SLC2A9: variants seen among roughly 807,000 people sequenced by gnomAD.
SLC2A9 encodes the protein solute carrier family 2 member 9.
Under a neutral mutation model 50.6 loss-of-function variants are expected in SLC2A9, and 39 were observed. That is an observed-to-expected ratio of 0.77 (90% CI 0.60 to 1.01). The LOEUF is 1.01. SLC2A9 is among the 50% of genes least tolerant of loss of function. SLC2A9 has a pLI of 0.00. For missense variants in SLC2A9, 686 were observed against 677.6 expected (o/e 1.01, Z -0.14); for synonymous variants, 324 against 276.9 (o/e 1.17, Z -1.69).
intron 9 of SLC2A9, among the ~76,000 whole-genome samples, chr4:9,889,438 G>T (rs1395506462): frequency 6.6e-6 from 1 of 152,202 alleles, no homozygotes; most frequent in African/African-American, 2.4e-5. Context: ...CAATGGCCTG[G>T]AACATCGCCT....
chr4:9,810,216 C>A (rs1418930965), intron 3 of SLC2A9, among the ~76,000 whole-genome samples: 2 of 152,088 alleles, frequency 1.3e-5, no homozygotes, highest in Non-Finnish European at 2.9e-5. Context: ...GAGAACATTA[C>A]CGAGTGCACA....
At chr4:9,819,330 C>A (rs1207183218) in intron 3 of SLC2A9, among the ~76,000 whole-genome samples, 1 of 152,142 alleles carries the variant, frequency 6.6e-6, no homozygotes, top group East Asian at 1.9e-4. Context: ...GCTCCAAATT[C>A]TTGCCAACAC....
chr4:10,022,416 G>T (rs1763568672), upstream of SLC2A9, among the ~76,000 whole-genome samples: 1 of 152,276 alleles, frequency 6.6e-6, no homozygotes, highest in African/African-American at 2.4e-5. Flanking sequence ...TGGCTGAGGG[G>T]ACATGTCCTG....
At chr4:10,033,397 TC>T (rs1021436252) in intron 1 of SLC2A9, among the ~76,000 whole-genome samples, 1 of 151,880 alleles carries the variant, frequency 6.6e-6, no homozygotes, top group African/African-American at 2.4e-5. Context: ...AACACCCTCT[TC>T]CCCCCGGCTC....
intron 10 of SLC2A9, among the ~76,000 whole-genome samples, chr4:9,882,569 C>T (rs1735412361): frequency 6.6e-6 from 1 of 151,986 alleles, no homozygotes; most frequent in Admixed American, 6.6e-5. Context: ...ATTAGCCAGG[C>T]GTGATGGTGG....
intron 3 of SLC2A9, among the ~76,000 whole-genome samples, chr4:9,780,837 T>TA (rs1245664369): frequency 6.6e-6 from 1 of 152,180 alleles, no homozygotes; most frequent in Non-Finnish European, 1.5e-5. Context: ...CCTTTTCTGT[T>TA]AAACACTGAG....
rs10653847 is a variant in SLC2A9, at chr4:10,008,026, A to ACAC, written c.249+10946_249+10948dup. On this transcript the variant is annotated intron_variant, in intron 2 of 11. Transcript: ENST00000264784. ...CTAGTTTCACTTGTCTGGTTTGTTC[A>ACAC]CACCAGCTGTGCAACTCCAACACAG... 3.7e-3 allele frequency among the ~76,000 whole-genome samples: 557 copies of ACAC among 152,240 alleles called. 6 individuals carry two copies. The highest frequency in any genetic ancestry group is 0.012 in the African/African-American group (502 of 41,544).
chr4:9,915,795 T>C (rs536727023), intron 7 of SLC2A9, among the ~76,000 whole-genome samples: 66 of 152,362 alleles, frequency 4.3e-4, no homozygotes, highest in Non-Finnish European at 6.3e-4. Context: ...TCTCCACTTT[T>C]ATGATTACAG....
intron 3 of SLC2A9, among the ~76,000 whole-genome samples, chr4:9,818,307 T>C (rs1014902542): frequency 1.3e-5 from 2 of 152,230 alleles, no homozygotes; most frequent in Non-Finnish European, 2.9e-5. Flanking sequence ...GGAGGACTAA[T>C]CTTCTGGCTC....
intron 8 of SLC2A9, among the ~76,000 whole-genome samples, chr4:9,907,571 G>C (rs577692487): frequency 6.6e-6 from 1 of 152,252 alleles, no homozygotes; most frequent in African/African-American, 2.4e-5. Context: ...CACATGTCTG[G>C]GGTAATGAGA....
intron 5 of SLC2A9, among the ~76,000 whole-genome samples, chr4:9,960,931 A>C (rs902486584): frequency 6.6e-6 from 1 of 152,204 alleles, no homozygotes; most frequent in Non-Finnish European, 1.5e-5. Context: ...TGGACACAGG[A>C]TCTGTTGTTT....
chr4:9,948,127 C>G (rs547816690), intron 5 of SLC2A9, among the ~76,000 whole-genome samples: 8 of 152,110 alleles, frequency 5.3e-5, no homozygotes, highest in Middle Eastern at 3.2e-3. Flanking sequence ...ACCACCCCCC[C>G]ACCCCTTACC....
intron 6 of SLC2A9, among the ~76,000 whole-genome samples, chr4:9,931,968 A>C (rs1252096225): frequency 0.023 from 774 of 33,236 alleles, 1 homozygote; most frequent in African/African-American, 0.034. Context: ...CTCTCTATAT[A>C]TATATATATA....
intron 8 of SLC2A9, among the ~76,000 whole-genome samples, chr4:9,905,047 G>C (rs762829816): frequency 6.6e-6 from 1 of 152,184 alleles, no homozygotes; most frequent in East Asian, 1.9e-4. Context: ...AGGGAAGCTC[G>C]TCTCAGTGTT....
At chr4:9,880,105 C>T (rs544675349) in intron 10 of SLC2A9, 5 of 985,416 alleles carry the variant, frequency 5.1e-6, no homozygotes, top group South Asian at 4.7e-5. Context: ...CACACTTTCC[C>T]GGGTGGCTCC....
intron 8 of SLC2A9, among the ~76,000 whole-genome samples, chr4:9,905,704 T>A (rs1012476206): frequency 3.3e-5 from 5 of 152,164 alleles, no homozygotes; most frequent in Non-Finnish European, 5.9e-5. Context: ...TCCCGTGAAG[T>A]CTTCTTGCAC....
chr4:10,001,316 A>G (rs1759757091), intron 2 of SLC2A9, among the ~76,000 whole-genome samples: 1 of 152,160 alleles, frequency 6.6e-6, no homozygotes, highest in African/African-American at 2.4e-5. Flanking sequence ...CCTGATAAAA[A>G]GGGGAAATGT....
At chr4:9,912,210 C>T (rs933881689) in intron 7 of SLC2A9, among the ~76,000 whole-genome samples, 2 of 151,956 alleles carry the variant, frequency 1.3e-5, no homozygotes, top group African/African-American at 4.8e-5. Flanking sequence ...TTAATGGGTG[C>T]AGCACACCAA....
intron 3 of SLC2A9, among the ~76,000 whole-genome samples, chr4:9,988,570 A>G (rs1757143272): frequency 2.6e-5 from 4 of 152,216 alleles, no homozygotes; most frequent in African/African-American, 9.6e-5. Flanking sequence ...CAGGACTTTA[A>G]TCATTGTTTC....
Sources: gnomAD v4.1 joint callset for allele counts (sites outside exome capture counted in the v4.1 genomes callset) on GRCh38, gnomAD v4.1.1 for gene constraint, MANE v1.5 for transcripts, NCBI Gene and HGNC (gene_info 2026-07-23, HGNC 2026-07-21) for gene names.